DYNC1I1: variants seen among roughly 807,000 people sequenced by gnomAD.
DYNC1I1 encodes cytoplasmic dynein 1 intermediate chain 1.
In DYNC1I1, 43 loss-of-function variants were observed where a neutral mutation model predicts 86.6. The ratio of observed to expected loss-of-function variants is 0.50; its 90% CI spans 0.39 to 0.64. The LOEUF (loss-of-function observed/expected upper bound fraction) is 0.64. Among genes scored for constraint, DYNC1I1 ranks in the 30% least tolerant of loss-of-function variants. The pLI is 0.00. For synonymous variants in DYNC1I1, 262 were observed against 283.7 expected, an observed-to-expected ratio of 0.92 and a Z score of 0.77; for missense variants, 604 against 788.8, an observed-to-expected ratio of 0.77 and a Z score of 2.81.
intron 6 of DYNC1I1, among the ~76,000 whole-genome samples, chr7:95,971,200 T>C (rs1793161115): frequency 6.6e-6 from 1 of 151,916 alleles, no homozygotes; most frequent in Admixed American, 6.6e-5. Flanking sequence ...AACTTATAGG[T>C]GATAGTGGAA....
chr7:96,003,761 C>T (rs991074994), intron 10 of DYNC1I1, among the ~76,000 whole-genome samples: 3 of 152,212 alleles, frequency 2.0e-5, no homozygotes, highest in Non-Finnish European at 4.4e-5. Flanking sequence ...ACAGAGGCCA[C>T]TACCACCCCC....
chr7:95,966,382 A>G (rs1046575989), intron 6 of DYNC1I1, among the ~76,000 whole-genome samples: 8 of 152,238 alleles, frequency 5.3e-5, no homozygotes, highest in Non-Finnish European at 7.3e-5. Flanking sequence ...CTTCCTCTAA[A>G]TCTTAAGTAG....
At chr7:96,061,240 C>T (rs577432751) in intron 14 of DYNC1I1, among the ~76,000 whole-genome samples, 1 of 152,298 alleles carries the variant, frequency 6.6e-6, no homozygotes, top group South Asian at 2.1e-4. Flanking sequence ...GCCATTTCAG[C>T]ACGAATCTGC....
intron 16 of DYNC1I1, among the ~76,000 whole-genome samples, chr7:96,087,359 T>C (rs542371284): frequency 5.9e-5 from 9 of 152,216 alleles, no homozygotes; most frequent in Non-Finnish European, 1.2e-4. Context: ...CTTTGTCCCC[T>C]GAGCAAGGCA....
intron 6 of DYNC1I1, among the ~76,000 whole-genome samples, chr7:95,899,604 A>G (rs540495962): frequency 6.6e-6 from 1 of 152,310 alleles, no homozygotes; most frequent in East Asian, 1.9e-4. Flanking sequence ...GAGATGGAGA[A>G]CAGCAGTTGG....
chr7:96,025,860 G>T (rs1456960816), intron 10 of DYNC1I1, among the ~76,000 whole-genome samples: 1 of 151,680 alleles, frequency 6.6e-6, no homozygotes, highest in Non-Finnish European at 1.5e-5. Context: ...ATATTTGCTT[G>T]GATTTAGCTG....
chr7:95,870,636 T>C (rs1790138422), intron 6 of DYNC1I1, among the ~76,000 whole-genome samples: 1 of 152,242 alleles, frequency 6.6e-6, no homozygotes, highest in Admixed American at 6.5e-5. Flanking sequence ...TATTTTCCCA[T>C]GCAAACTCCA....
chr7:95,980,863 A>G (rs543185459), intron 7 of DYNC1I1, among the ~76,000 whole-genome samples: 1 of 152,210 alleles, frequency 6.6e-6, no homozygotes, highest in African/African-American at 2.4e-5. Context: ...ATCAACTCAT[A>G]AACCTCACAT....
chr7:95,951,016 T>C (rs1249787987), intron 6 of DYNC1I1, among the ~76,000 whole-genome samples: 3 of 152,038 alleles, frequency 2.0e-5, no homozygotes, highest in Admixed American at 2.0e-4. Context: ...AGGAACAGAG[T>C]CGAATAGAAT....
At chr7:95,942,469 C>T (rs1792257226) in intron 6 of DYNC1I1, among the ~76,000 whole-genome samples, 4 of 152,208 alleles carry the variant, frequency 2.6e-5, no homozygotes, top group African/African-American at 9.7e-5. Flanking sequence ...ACCATTCCTT[C>T]TGAAACTATT....
chr7:95,866,227 T>C (rs907722043), intron 5 of DYNC1I1, among the ~76,000 whole-genome samples: 9 of 152,176 alleles, frequency 5.9e-5, no homozygotes, highest in African/African-American at 1.9e-4. Flanking sequence ...GATTGTATGG[T>C]ACTTAACTCA....
chr7:96,058,483 T>C (rs1353046298), intron 14 of DYNC1I1, among the ~76,000 whole-genome samples: 1 of 152,222 alleles, frequency 6.6e-6, no homozygotes, highest in African/African-American at 2.4e-5. Context: ...TTCCTTATAC[T>C]TATTCATTCA....
intron 15 of DYNC1I1, among the ~76,000 whole-genome samples, chr7:96,077,239 TTGTGTGTGTG>T (rs3047672): frequency 1.2e-4 from 17 of 144,538 alleles, no homozygotes; most frequent in South Asian, 4.5e-4. Context: ...TCCCTAGTAT[TTGTGTGTGTG>T]TGTGTGTGTG....
rs1227516 is a variant in DYNC1I1, at chr7:95,827,912, G to C, written c.315-145G>C. 4,080 of 683,888 alleles carry C rather than the reference G, an allele frequency of 6.0e-3. 119 individuals are homozygous for C. In the African/African-American group the frequency reaches 0.064, roughly 11 times the overall value. 42.4% of individuals were successfully genotyped at this position (683,888 alleles called of 1,614,324 possible). Reference sequence around the variant, plus strand: ...GATTTCTCTTGTTTGATAGTCACTGGGGGTGGAGGGGATGGAAGGGGGACA... The same window carrying C: ...GATTTCTCTTGTTTGATAGTCACTGCGGGTGGAGGGGATGGAAGGGGGACA... On this transcript the variant is annotated intron_variant, in intron 4 of 16. Transcript: ENST00000447467.
intron 5 of DYNC1I1, among the ~76,000 whole-genome samples, chr7:95,854,985 T>C (rs1789681811): frequency 6.6e-6 from 1 of 152,190 alleles, no homozygotes; most frequent in Non-Finnish European, 1.5e-5. Context: ...TCCCGATAGG[T>C]TGCTGTTCAC....
chr7:95,819,290 A>G (rs1436623802), intron 4 of DYNC1I1, among the ~76,000 whole-genome samples: 1 of 152,084 alleles, frequency 6.6e-6, no homozygotes, highest in Non-Finnish European at 1.5e-5. Flanking sequence ...TTAAATTTAG[A>G]TACTTGTTTT....
At chr7:95,824,693 G>A (rs139032144) in intron 4 of DYNC1I1, among the ~76,000 whole-genome samples, 20 of 152,260 alleles carry the variant, frequency 1.3e-4, no homozygotes, top group African/African-American at 3.4e-4. Flanking sequence ...AGGGCCTTAA[G>A]GCCTGCACCC....
At chr7:96,084,442 C>CTTT (rs11369815) in intron 16 of DYNC1I1, among the ~76,000 whole-genome samples, 13 of 124,740 alleles carry the variant, frequency 1.0e-4, no homozygotes, top group East Asian at 2.3e-4. Flanking sequence ...TTTTTCTTTT[C>CTTT]TTTTTTTTTT....
chr7:95,826,348 A>G (rs1795202604), intron 4 of DYNC1I1, among the ~76,000 whole-genome samples: 1 of 152,194 alleles, frequency 6.6e-6, no homozygotes, highest in Non-Finnish European at 1.5e-5. Flanking sequence ...GATCTGTCAA[A>G]TAGGTCGGGC....
Sources: allele counts gnomAD v4.1 joint callset (sites outside exome capture counted in the v4.1 genomes callset), GRCh38; gene constraint gnomAD v4.1.1; transcripts MANE v1.5; gene names NCBI Gene and HGNC (gene_info 2026-07-23, HGNC 2026-07-21).